The following MAGI3 variants were observed in gnomAD, a reference collection of about 807,000 sequenced individuals.
MAGI3 encodes membrane associated guanylate kinase, WW and PDZ domain containing 3.
Under a neutral mutation model 121.8 loss-of-function variants are expected in MAGI3, and 43 were observed. That is an observed-to-expected ratio of 0.35 (90% confidence interval 0.28 to 0.46). The LOEUF (loss-of-function observed/expected upper bound fraction) is 0.46. Among genes scored for constraint, MAGI3 ranks in the 20% least tolerant of loss-of-function variants. MAGI3 has a pLI of 1.00. For synonymous variants in MAGI3, 553 were observed against 639.3 expected, an observed-to-expected ratio of 0.86 and a Z score of 2.04; for missense variants, 1,547 against 1,797.3, an observed-to-expected ratio of 0.86 and a Z score of 2.52.
At chr1:113,527,534 A>G (rs1658510775) in intron 1 of MAGI3, among the ~76,000 whole-genome samples, 1 of 152,228 alleles carries the variant, frequency 6.6e-6, no homozygotes, top group African/African-American at 2.4e-5. Context: ...TTGGTGCCAA[A>G]TGGAAAGTTT....
rs762903800 is a variant in MAGI3, at chr1:113,580,545, C to T, written c.437C>T (p.Thr146Ile). The T allele has an allele frequency of 2.5e-6, 4 of 1,604,670 alleles. No homozygotes were observed. In the South Asian group the frequency reaches 3.4e-5, roughly 13 times the overall value. Residue 146 changes from threonine to isoleucine, a missense_variant, in exon 3 of 21, where the codon ACT becomes ATT. Coordinates refer to ENST00000307546, the MANE Select transcript of MAGI3 (RefSeq NM_001142782.2). ...DNLYLRTIPC[T>I]TRAPRDGEVP... ...TTTTTTTTTTCTTTTTTCTTAGGCA[C>T]TACAAGGGCCCCCAGGGATGGAGAA...
chr1:113,401,166 T>G (rs545096799), intron 1 of MAGI3, among the ~76,000 whole-genome samples: 1 of 152,290 alleles, frequency 6.6e-6, no homozygotes, highest in East Asian at 1.9e-4. Flanking sequence ...TCACACAGAC[T>G]CACAGGAAGA....
chr1:113,495,075 G>A (rs916973490), intron 1 of MAGI3, among the ~76,000 whole-genome samples: 8 of 152,012 alleles, frequency 5.3e-5, no homozygotes, highest in Non-Finnish European at 1.2e-4. Flanking sequence ...CTCTTTCAAA[G>A]CACCTTTTAG....
At chr1:113,508,423 A>T (rs1250672506) in intron 1 of MAGI3, among the ~76,000 whole-genome samples, 1 of 152,050 alleles carries the variant, frequency 6.6e-6, no homozygotes, top group Non-Finnish European at 1.5e-5. Flanking sequence ...TCATTTTTCC[A>T]CTGTTTTCCT....
At chr1:113,629,926 C>G (rs1651516727) in intron 9 of MAGI3, among the ~76,000 whole-genome samples, 1 of 151,784 alleles carries the variant, frequency 6.6e-6, no homozygotes, top group African/African-American at 2.4e-5. Flanking sequence ...GGATCTTGCC[C>G]ACAGCCAGCT....
chr1:113,588,922 CT>C (rs2101732578), intron 4 of MAGI3, among the ~76,000 whole-genome samples: 1 of 152,136 alleles, frequency 6.6e-6, no homozygotes, highest in South Asian at 2.1e-4. Flanking sequence ...TTTCTTTTTA[CT>C]GAACTGGGAA....
chr1:113,565,991 T>C (rs1660421357), intron 2 of MAGI3, among the ~76,000 whole-genome samples: 1 of 152,238 alleles, frequency 6.6e-6, no homozygotes, highest in Non-Finnish European at 1.5e-5. Flanking sequence ...TATTAAACTT[T>C]AGTTTGTGCA....
chr1:113,649,241 A>C lies in MAGI3; in HGVS notation c.2160A>C (p.Pro720=), dbSNP rs771604446. ...KSKTLYEDKP[P]NTKDLDVFLR... is the part of the protein sequence containing the mutation. The stretch of plus-strand genomic sequence containing the variant: ...ATATTTTCTGATTTTCCTCAGCACC[A>C]AACACCAAAGATTTGGATGTTTTTC... Residue 720 remains proline (P), a synonymous_variant, in exon 13 of 21, where the codon CCA becomes CCC. Coordinates refer to ENST00000307546, the MANE Select transcript of MAGI3 (RefSeq NM_001142782.2). The C allele has an allele frequency of 6.2e-6, 10 of 1,611,224 alleles. No homozygotes were observed. The highest frequency in any genetic ancestry group is 8.5e-6 in the Non-Finnish European group (10 of 1,179,150).
At chr1:113,575,080 A>G (rs930233140) in intron 2 of MAGI3, among the ~76,000 whole-genome samples, 2 of 152,242 alleles carry the variant, frequency 1.3e-5, no homozygotes, top group Middle Eastern at 6.8e-3. Flanking sequence ...TCTAGTTAGC[A>G]GTTCCTGTAA....
At chr1:113,486,003 A>C (rs965249854) in intron 1 of MAGI3, among the ~76,000 whole-genome samples, 2 of 152,096 alleles carry the variant, frequency 1.3e-5, no homozygotes, top group African/African-American at 4.8e-5. Flanking sequence ...TGGGTTCTCT[A>C]TTCTGTTCCA....
chr1:113,435,828 T>G (rs1174567685), intron 1 of MAGI3, among the ~76,000 whole-genome samples: 2 of 152,184 alleles, frequency 1.3e-5, no homozygotes, highest in African/African-American at 4.8e-5. Context: ...AGCATCCAGC[T>G]TGACCATTCT....
chr1:113,594,668 C>A, intron 6 of MAGI3, 108 bp downstream of exon 6: 5 of 787,390 alleles, frequency 6.4e-6, no homozygotes, highest in East Asian at 2.8e-5. Flanking sequence ...ATAATGTACA[C>A]AAGCAAAAAA....
intron 5 of MAGI3, among the ~76,000 whole-genome samples, chr1:113,592,062 G>C (rs1048119144): frequency 6.6e-6 from 1 of 152,020 alleles, no homozygotes; most frequent in Non-Finnish European, 1.5e-5. Flanking sequence ...GGCAACAAAA[G>C]CCAAAGTAGA....
intron 9 of MAGI3, among the ~76,000 whole-genome samples, chr1:113,638,630 G>A (rs937647679): frequency 1.1e-4 from 16 of 152,238 alleles, no homozygotes; most frequent in Non-Finnish European, 5.9e-5. Context: ...TGAGGTGTCA[G>A]TCTGCCCCTA....
chr1:113,406,330 TC>T (rs1029632742), intron 1 of MAGI3, among the ~76,000 whole-genome samples: 36 of 149,882 alleles, frequency 2.4e-4, no homozygotes, highest in Non-Finnish European at 3.6e-4. Context: ...TGCCTGTAGT[TC>T]CAGCTACTCA....
chr1:113,517,105 G>A (rs79656665), intron 1 of MAGI3, among the ~76,000 whole-genome samples: 1,752 of 151,882 alleles, frequency 0.012, 41 homozygotes, highest in African/African-American at 0.041. Context: ...TTCTGGATGC[G>A]ATCCTGGAAA....
chr1:113,641,927 C>T lies in MAGI3; in HGVS notation c.1377C>T (p.Asp459=). 1 of 1,587,686 alleles carries T rather than the reference C, an allele frequency of 6.3e-7. No individual in the cohort carries two copies. Among genetic ancestry groups the T allele is most frequent in the Non-Finnish European group, 8.6e-7 (1 of 1,158,956 alleles). ...GKIAPGDVIV[D]INGNCVLGHT... ...TTTTTCCAGGCGATGTTATTGTAGA[C>T]ATCAATGGCAACTGTGTCCTCGGTC... The change falls in exon 10 of 21, where the codon GAC becomes GAT. Residue 459 remains aspartate (D), a synonymous_variant. Coordinates refer to ENST00000307546, the MANE Select transcript of MAGI3 (RefSeq NM_001142782.2).
At chr1:113,479,244 A>C (rs116440712) in intron 1 of MAGI3, among the ~76,000 whole-genome samples, 180 of 152,054 alleles carry the variant, frequency 1.2e-3, no homozygotes, top group African/African-American at 4.2e-3. Flanking sequence ...CTCACTCTCC[A>C]TGGGCTGCAC....
chr1:113,683,211 G>A lies in MAGI3; in HGVS notation c.3643G>A (p.Val1215Ile). 1.9e-6 allele frequency: 3 copies of A among 1,613,932 alleles called. No homozygotes were observed. Among genetic ancestry groups the A allele is most frequent in the Non-Finnish European group, 2.5e-6 (3 of 1,179,888 alleles). Reference protein sequence around the residue: ...KKNLLKVENGVTRRGRSVSPK... With the variant: ...KKNLLKVENGITRRGRSVSPK... The stretch of plus-strand genomic sequence containing the variant: ...AAATCTATTAAAAGTAGAAAATGGT[G>A]TTACACGAAGAGGTAGATCGGTTAG... The change falls in exon 21 of 21, where the codon GTT becomes ATT. Residue 1215 changes from valine to isoleucine, a missense_variant. By Grantham distance (29) the Val-to-Ile change is conservative. Transcript: ENST00000307546.
Sources: allele counts gnomAD v4.1 joint callset (sites outside exome capture counted in the v4.1 genomes callset), GRCh38; gene constraint gnomAD v4.1.1; transcripts MANE v1.5; gene names NCBI Gene and HGNC (gene_info 2026-07-23, HGNC 2026-07-21).